The following CFAP54 variants were observed in gnomAD, a reference collection of about 807,000 sequenced individuals.
CFAP54 encodes the protein cilia- and flagella-associated protein 54.
CFAP54 carries 290 observed loss-of-function variants against 370.4 expected under a neutral mutation model. That is an observed-to-expected ratio of 0.78 (90% CI 0.71 to 0.86). The LOEUF is 0.86. Among genes scored for constraint, CFAP54 ranks in the 40% least tolerant of loss-of-function variants. The probability of loss-of-function intolerance (pLI) is 0.00; values close to 1 mark genes in which losing one functional copy is unlikely to be tolerated. For missense variants in CFAP54, 3,399 were observed against 3,528.7 expected, an observed-to-expected ratio of 0.96 and a Z score of 0.93; for synonymous variants, 1,206 against 1,236.5, an observed-to-expected ratio of 0.98 and a Z score of 0.52.
chr12:96,617,637 C>G (rs1405570110), intron 26 of CFAP54, among the ~76,000 whole-genome samples: 1 of 152,208 alleles, frequency 6.6e-6, no homozygotes, highest in Non-Finnish European at 1.5e-5. Flanking sequence ...ATCACACACA[C>G]ATTAATTCGT....
At chr12:96,613,807 A>G (rs978442291) in intron 26 of CFAP54, among the ~76,000 whole-genome samples, 4 of 152,220 alleles carry the variant, frequency 2.6e-5, no homozygotes, top group African/African-American at 9.6e-5. Context: ...GACCCTCCCA[A>G]GACTAAACCA....
rs1956814888 is a variant in CFAP54 at position 96,647,874 on chromosome 12, G to A, written c.4548-1G>A. ...TTAATATGATTTTTCCCCCCTTGCA[G>A]TTTCCGATCATGTGATCCTAACATG... On this transcript the variant is annotated splice_acceptor_variant, in intron 33 of 67. Transcript: ENST00000524981. LOFTEE classifies it high-confidence loss of function. 6.7e-7 allele frequency: 1 copy of A among 1,499,374 alleles called. No homozygotes were observed. The highest frequency in any genetic ancestry group is 8.8e-7 in the Non-Finnish European group (1 of 1,134,324). 92.9% of individuals were successfully genotyped at this position (1,499,374 alleles called of 1,614,324 possible).
chr12:96,650,672 G>T (rs765272448), intron 35 of CFAP54, among the ~76,000 whole-genome samples: 10 of 151,938 alleles, frequency 6.6e-5, no homozygotes, highest in Non-Finnish European at 1.5e-4. Context: ...AGGGCATAGG[G>T]CATATACTTT....
intron 40 of CFAP54, chr12:96,682,047 T>C (rs1332613796): frequency 5.2e-6 from 3 of 574,710 alleles, no homozygotes; most frequent in Non-Finnish European, 6.6e-6. Flanking sequence ...AATATTTCCT[T>C]TCTTTTTGCT....
At chr12:96,806,253 G>C (rs912855847) in intron 63 of CFAP54, among the ~76,000 whole-genome samples, 1 of 126,572 alleles carries the variant, frequency 7.9e-6, no homozygotes, top group African/African-American at 2.9e-5. Flanking sequence ...ATAAAACAAA[G>C]GCTGTTTTAT....
intron 4 of CFAP54, 66 bp downstream of exon 4, chr12:96,507,165 C>T (rs1369299208): frequency 1.1e-5 from 14 of 1,253,766 alleles, no homozygotes; most frequent in Non-Finnish European, 1.4e-5. Context: ...CTAAGTTTGA[C>T]AGTAGCTTGA....
chr12:96,683,778 A>G (rs1250344209), intron 40 of CFAP54, among the ~76,000 whole-genome samples: 1 of 152,026 alleles, frequency 6.6e-6, no homozygotes, highest in African/African-American at 2.4e-5. Context: ...TTAGAAAAAA[A>G]AAATTGTGTG....
intron 48 of CFAP54, among the ~76,000 whole-genome samples, chr12:96,717,788 TG>T (rs1957702155): frequency 6.6e-6 from 1 of 152,206 alleles, no homozygotes; most frequent in Non-Finnish European, 1.5e-5. Flanking sequence ...TAGAAATATC[TG>T]GAAGAGGGCT....
rs765049545 is a variant in CFAP54, at chr12:96,860,904, GC to G, written c.9259del (p.Leu3087PhefsTer5). ...AATGGTTGCATTTTATCAGGAGGAA[GC>G]CTTTTCAACTGGATAGTGTCAATTA... is the stretch of plus-strand genomic sequence containing the variant. Reference protein sequence around the residue: ...LANGCILSGGSLFNWIVSIIP With the variant: ...LANGCILSGGXLFNWIVSIIP On this transcript the variant is annotated frameshift_variant, in exon 67 of 68. Coordinates refer to ENST00000524981, the MANE Select transcript of CFAP54 (RefSeq NM_001306084.2). LOFTEE classifies it high-confidence loss of function. The G allele has an allele frequency of 6.5e-6, 10 of 1,534,988 alleles. No homozygotes were observed. The South Asian group carries it at 1.2e-4, about 18-fold the overall frequency.
intron 17 of CFAP54, among the ~76,000 whole-genome samples, chr12:96,557,319 A>G (rs1277536160): frequency 6.6e-6 from 1 of 152,226 alleles, no homozygotes; most frequent in African/African-American, 2.4e-5. Flanking sequence ...AAATAACAAG[A>G]CAATAAGCAA....
chr12:96,813,432 G>A (rs1035495588), intron 64 of CFAP54, among the ~76,000 whole-genome samples: 1 of 152,148 alleles, frequency 6.6e-6, no homozygotes, highest in Non-Finnish European at 1.5e-5. Flanking sequence ...AGTAAAACAG[G>A]TCAGAAAAAA....
intron 62 of CFAP54, among the ~76,000 whole-genome samples, chr12:96,790,556 C>T: frequency 6.6e-6 from 1 of 152,054 alleles, no homozygotes; most frequent in East Asian, 1.9e-4. Context: ...CTTTTCAATA[C>T]TTATCTAGTT....
At chr12:96,720,174 A>T (rs1012767106) in intron 49 of CFAP54, among the ~76,000 whole-genome samples, 2 of 152,250 alleles carry the variant, frequency 1.3e-5, no homozygotes, top group Non-Finnish European at 2.9e-5. Context: ...CTGTGCACAC[A>T]AGAAAAGGTC....
At chr12:96,792,803 T>G (rs541404395) in intron 63 of CFAP54, among the ~76,000 whole-genome samples, 64 of 152,174 alleles carry the variant, frequency 4.2e-4, no homozygotes, top group African/African-American at 1.5e-3. Context: ...ATTTTTTTAC[T>G]GCTATTTTGC....
In CFAP54 at chr12:96,547,541, T is replaced by C. The variant is rs77251484; in HGVS notation, c.2078-361T>C. On this transcript the variant is annotated intron_variant, in intron 14 of 67. Coordinates refer to ENST00000524981, the MANE Select transcript of CFAP54 (RefSeq NM_001306084.2). The stretch of plus-strand genomic sequence containing the variant: ...TATAGAGAAAGATGATATTGACTTG[T>C]TGATAAATATTTGGTTTGTTACGTT... Among the ~76,000 whole-genome samples, 39 of 152,292 alleles carry C rather than the reference T, an allele frequency of 2.6e-4. No homozygotes were observed. The East Asian group carries it at 7.3e-3, about 29-fold the overall frequency.
intron 65 of CFAP54, among the ~76,000 whole-genome samples, chr12:96,827,950 TAATTATATATAATACATAG>T: frequency 1.9e-5 from 2 of 104,594 alleles, no homozygotes; most frequent in Non-Finnish European, 3.6e-5. Context: ...ATATAATATA[TAATTATATATAATACATAG>T]TAATATATTA....
At chr12:96,677,490 C>T (rs1289545682) in intron 39 of CFAP54, among the ~76,000 whole-genome samples, 1 of 152,110 alleles carries the variant, frequency 6.6e-6, no homozygotes, top group Non-Finnish European at 1.5e-5. Context: ...CAGAAACCTA[C>T]AATCTTCGGG....
chr12:96,817,671 C>T (rs374132527), intron 64 of CFAP54, 104 bp from the exon 65 acceptor site: 125 of 536,288 alleles, frequency 2.3e-4, no homozygotes, highest in Non-Finnish European at 3.4e-4. Flanking sequence ...CCACCCGCCT[C>T]GGCCTCCCAA....
At chr12:96,837,208 A>C (rs968264211) in intron 66 of CFAP54, among the ~76,000 whole-genome samples, 2 of 152,182 alleles carry the variant, frequency 1.3e-5, no homozygotes, top group Admixed American at 1.3e-4. Flanking sequence ...GTAAGTTAAC[A>C]TACTTTATTT....
Sources: allele counts gnomAD v4.1 joint callset (sites outside exome capture counted in the v4.1 genomes callset), GRCh38; gene constraint gnomAD v4.1.1; transcripts MANE v1.5; gene names NCBI Gene and HGNC (gene_info 2026-07-23, HGNC 2026-07-21).